LCOR: variants seen among roughly 807,000 people sequenced by gnomAD.
LCOR encodes the protein ligand-dependent corepressor.
Under a neutral mutation model 64.4 loss-of-function variants are expected in LCOR, and 14 were observed. The ratio of observed to expected loss-of-function variants is 0.22; its 90% CI spans 0.14 to 0.34. LCOR has a LOEUF of 0.34. Among genes scored for constraint, LCOR ranks in the 10% least tolerant of loss-of-function variants. The probability of loss-of-function intolerance (pLI) is 1.00; values close to 1 mark genes in which losing one functional copy is unlikely to be tolerated. For missense variants in LCOR, 1,686 were observed against 1,765.3 expected, an observed-to-expected ratio of 0.96 and a Z score of 0.80; for synonymous variants, 643 against 642.5, an observed-to-expected ratio of 1.00 and a Z score of -0.01.
chr10:96,843,745 T>C (rs569417228), intron 2 of LCOR, among the ~76,000 whole-genome samples: 1 of 152,338 alleles, frequency 6.6e-6, no homozygotes, highest in Non-Finnish European at 1.5e-5. Flanking sequence ...ACACCATATT[T>C]AGTATTGAAT....
chr10:96,871,015 G>A (rs773761135), intron 2 of LCOR, among the ~76,000 whole-genome samples: 4 of 152,190 alleles, frequency 2.6e-5, no homozygotes, highest in Non-Finnish European at 5.9e-5. Context: ...AGAACAATGA[G>A]TAGATGTGAA....
chr10:96,912,066 T>C (rs1846847144), intron 4 of LCOR, among the ~76,000 whole-genome samples: 1 of 151,854 alleles, frequency 6.6e-6, no homozygotes, highest in African/African-American at 2.4e-5. Context: ...CGAGTAGCTG[T>C]TATTACAGAC....
chr10:96,864,489 T>C (rs766316130), intron 2 of LCOR, among the ~76,000 whole-genome samples: 6 of 152,190 alleles, frequency 3.9e-5, no homozygotes, highest in Non-Finnish European at 7.3e-5. Context: ...TATGGGGATA[T>C]GGTGATGTGC....
chr10:96,901,000 T>C lies in LCOR; in HGVS notation c.-329-6265T>C, dbSNP rs184765708. Reference sequence around the variant, plus strand: ...TTCAGGAGATCGAGACCATCGTGGCTAACACAGTGAAACCCCGCCTCCACT... The same window carrying C: ...TTCAGGAGATCGAGACCATCGTGGCCAACACAGTGAAACCCCGCCTCCACT... On this transcript the variant is annotated intron_variant, in intron 2 of 7. Coordinates refer to ENST00000421806, the MANE Select transcript of LCOR (RefSeq NM_001346516.2). Among the ~76,000 whole-genome samples, 831 of 151,818 alleles carry C rather than the reference T, an allele frequency of 5.5e-3. 5 individuals carry two copies. The highest frequency in any genetic ancestry group is 9.4e-3 in the Non-Finnish European group (640 of 67,900).
At chr10:96,977,812 G>T (rs1178575257) in intron 7 of LCOR, among the ~76,000 whole-genome samples, 3 of 152,134 alleles carry the variant, frequency 2.0e-5, no homozygotes, top group Non-Finnish European at 4.4e-5. Flanking sequence ...AGCTGGGACT[G>T]CAGGCTCATG....
chr10:96,862,510 C>T (rs1417638262), intron 2 of LCOR, among the ~76,000 whole-genome samples: 2 of 152,198 alleles, frequency 1.3e-5, no homozygotes, highest in Non-Finnish European at 2.9e-5. Context: ...AGGTGATCCG[C>T]CCGCCTCAGC....
At chr10:96,921,455 A>G (rs537799864) in intron 4 of LCOR, among the ~76,000 whole-genome samples, 6 of 151,960 alleles carry the variant, frequency 3.9e-5, no homozygotes, top group African/African-American at 1.4e-4. Flanking sequence ...TTCATTCTTT[A>G]TTTAATTTTA....
chr10:96,964,875 C>T lies in LCOR; in HGVS notation c.332+12679C>T, dbSNP rs190813683. The stretch of plus-strand genomic sequence containing the variant: ...GTGACTATTTTTTGTTTGCTTTTGT[C>T]TTGAGGCATAAGTATAAAAGCAACA... On this transcript the variant is annotated intron_variant, in intron 7 of 7. Transcript: ENST00000421806. 5.3e-5 allele frequency among the ~76,000 whole-genome samples: 8 copies of T among 151,714 alleles called. No individual in the cohort carries two copies. The East Asian group carries it at 1.2e-3, about 22-fold the overall frequency.
At chr10:96,920,564 A>G (rs548444227) in intron 4 of LCOR, among the ~76,000 whole-genome samples, 5 of 146,934 alleles carry the variant, frequency 3.4e-5, no homozygotes, top group African/African-American at 7.5e-5. Context: ...ATGTGTATAT[A>G]TGTATGTATA....
intron 4 of LCOR, among the ~76,000 whole-genome samples, chr10:96,936,195 A>G (rs1847348317): frequency 6.6e-6 from 1 of 152,268 alleles, no homozygotes; most frequent in Non-Finnish European, 1.5e-5. Context: ...GGATCAGGCA[A>G]AGGAAATTAG....
Position 96,983,935 on chromosome 10 carries a change from A to G in LCOR, c.3475A>G (p.Arg1159Gly). The G allele has an allele frequency of 6.2e-7, 1 of 1,614,240 alleles. No homozygotes were observed. The highest frequency in any genetic ancestry group is 8.5e-7 in the Non-Finnish European group (1 of 1,180,042). Residue 1159 changes from arginine (R) to glycine (G), a missense_variant, in exon 8 of 8, where the codon AGG becomes GGG. Transcript: ENST00000421806. The surrounding 1 kb of genome is among the most constrained non-coding windows in gnomAD (Gnocchi z 4.5). ...WKSKKRSRKC[R>G]SSLESQKCSP... ...AAGCAAGAAAAGGTCACGGAAATGT[A>G]GGAGTTCATTGGAGAGTCAGAAGTG...
Position 96,984,883 on chromosome 10 carries a change from A to G in LCOR, c.4423A>G (p.Lys1475Glu). The G allele has an allele frequency of 1.2e-6, 2 of 1,613,946 alleles. No individual in the cohort carries two copies. Among genetic ancestry groups the G allele is most frequent in the Non-Finnish European group, 1.7e-6 (2 of 1,179,996 alleles). The change falls in exon 8 of 8, where the codon AAA becomes GAA. Residue 1475 changes from lysine to glutamate, a missense_variant. By Grantham distance (56) the Lys-to-Glu change is moderately conservative (BLOSUM62 1). This residue lies in a region of LCOR where 1,293 missense variants were observed against 1,410.4 expected (regional missense o/e 0.92). Transcript: ENST00000421806. ...GAGCTGCCCTCCCTCCAGGAAAGAA[A>G]AAGAGAATACAAACAAAAGGCCTTC... The part of the protein sequence containing the change: ...GKSCPPSRKE[K>E]ENTNKRPSQS...
In LCOR at chr10:96,990,958, C is replaced by T. The variant is rs951960683; in HGVS notation, c.*5824C>T. ...TCCATTTAAAAAAAAATCAGGTACT[C>T]ATGGTATTACAATATGCCAGGGGTT... On this transcript the variant is annotated 3_prime_UTR_variant, in exon 8 of 8. Coordinates refer to ENST00000421806, the MANE Select transcript of LCOR (RefSeq NM_001346516.2). 5 of 145,404 alleles carry T rather than the reference C, an allele frequency of 3.4e-5. No individual in the cohort carries two copies. Among genetic ancestry groups the T allele is most frequent in the East Asian group, 2.1e-4 (1 of 4,824 alleles). 9.0% of individuals were successfully genotyped at this position (145,404 alleles called of 1,614,324 possible).
intron 4 of LCOR, among the ~76,000 whole-genome samples, chr10:96,939,164 T>C (rs1171675575): frequency 1.3e-5 from 2 of 152,240 alleles, no homozygotes; most frequent in Non-Finnish European, 2.9e-5. Flanking sequence ...AGGATAGATA[T>C]ATAAATAGTG....
chr10:96,890,091 G>C (rs1308213828), intron 2 of LCOR, among the ~76,000 whole-genome samples: 1 of 151,834 alleles, frequency 6.6e-6, no homozygotes, highest in Non-Finnish European at 1.5e-5. Context: ...TTGTATGCGT[G>C]TAGTTTTTTT....
rs142303354 is a variant in LCOR at position 96,983,546 on chromosome 10, C to T, written c.3086C>T (p.Ser1029Leu). The change falls in exon 8 of 8, where the codon TCG becomes TTG. Residue 1029 changes from serine (S) to leucine (L), a missense_variant. Physicochemically the swap from Ser to Leu is moderately radical, Grantham distance 145 (BLOSUM62 -2). Coordinates refer to ENST00000421806, the MANE Select transcript of LCOR (RefSeq NM_001346516.2). This position sits in a 1 kb window ranked among gnomAD's most constrained non-coding sequence, Gnocchi z 4.5. Reference sequence around the variant, plus strand: ...GGTGATGCTGCTAGGGCACCAAAATCGGTGCCAAGGCCTAAAAGATTGACC... The same window carrying T: ...GGTGATGCTGCTAGGGCACCAAAATTGGTGCCAAGGCCTAAAAGATTGACC... ...GSGDAARAPK[S>L]VPRPKRLTSS... 3.1e-5 allele frequency: 50 copies of T among 1,613,950 alleles called. No individual in the cohort carries two copies. Among genetic ancestry groups the T allele is most frequent in the African/African-American group, 2.4e-4 (18 of 74,884 alleles).
intron 2 of LCOR, among the ~76,000 whole-genome samples, chr10:96,902,129 C>A (rs1233970839): frequency 3.6e-5 from 5 of 139,366 alleles, no homozygotes; most frequent in African/African-American, 1.5e-4. Flanking sequence ...GCTCTTTGCT[C>A]TTAAAAAAAA....
chr10:96,971,875 C>T (rs1424890535), intron 7 of LCOR, among the ~76,000 whole-genome samples: 1 of 151,998 alleles, frequency 6.6e-6, no homozygotes, highest in South Asian at 2.1e-4. Flanking sequence ...AAATAACAGG[C>T]CTTATAACTC....
rs889371257 is a variant in LCOR, at chr10:96,866,723, C to A, written c.-330+33244C>A. ...CCTAGTAGCTCGGATTACAGGCGCA[C>A]ACTACCACACCCAGCTAATTATTTG... is the stretch of plus-strand genomic sequence containing the variant. On this transcript the variant is annotated intron_variant, in intron 2 of 7. Coordinates refer to ENST00000421806, the MANE Select transcript of LCOR (RefSeq NM_001346516.2). 3.9e-5 allele frequency among the ~76,000 whole-genome samples: 6 copies of A among 152,114 alleles called. No homozygotes were observed. In the East Asian group the frequency reaches 7.7e-4, roughly 20 times the overall value.
Sources: gnomAD v4.1 joint callset for allele counts (sites outside exome capture counted in the v4.1 genomes callset) on GRCh38, gnomAD v4.1.1 for gene constraint, gnomAD v4.1.1 regional missense constraint, Gnocchi (gnomAD v3.1) non-coding constraint, MANE v1.5 for transcripts, NCBI Gene and HGNC (gene_info 2026-07-23, HGNC 2026-07-21) for gene names.